Variants in COLQ observed in about 807,000 individuals in gnomAD.
COLQ encodes the protein collagen like tail subunit of asymmetric acetylcholinesterase, also known as acetylcholinesterase collagenic tail peptide.
In COLQ, 48 loss-of-function variants were observed where a neutral mutation model predicts 69.0. The observed-to-expected ratio is 0.70, with a 90% CI of 0.55 to 0.88. The LOEUF (loss-of-function observed/expected upper bound fraction) is 0.88, where lower values mean the gene tolerates loss of function less well. Ranked by LOEUF, COLQ falls within the 40% of genes least tolerant of loss-of-function variation. COLQ has a pLI of 0.00. For synonymous variants in COLQ, 217 were observed against 211.2 expected (o/e 1.03, Z -0.24); for missense variants, 618 against 594.6 (o/e 1.04, Z -0.41).
At chr3:15,514,563 C>T (rs535628227) in intron 1 of COLQ, among the ~76,000 whole-genome samples, 51 of 152,176 alleles carry the variant, frequency 3.4e-4, no homozygotes, top group Non-Finnish European at 6.0e-4. Context: ...CATAATGCAA[C>T]CTGGGTGCAT....
At position 15,475,426 on chromosome 3, in the gene COLQ, T is replaced by C; in HGVS notation, c.527A>G (p.Lys176Arg). Residue 176 changes from lysine to arginine, a missense_variant and splice_region_variant, in exon 7 of 17, where the codon AAG becomes AGG. By Grantham distance (26) the Lys-to-Arg change is conservative. Transcript: ENST00000383788. ...CGTCCATTTGGACCCCACACTGACCTTGGAGCCCATTGGTCCTCTTGACCC... is the reference window on the plus strand; with the variant it reads ...CGTCCATTTGGACCCCACACTGACCCTGGAGCCCATTGGTCCTCTTGACCC... The part of the protein sequence containing the change: ...LPGSRGPMGS[K>R]GYPGSRGEKG... The C allele has an allele frequency of 6.3e-7, 1 of 1,596,324 alleles. No homozygotes were observed. Among genetic ancestry groups the C allele is most frequent in the Admixed American group, 1.7e-5 (1 of 58,056 alleles).
rs377435431 is a variant in COLQ, at chr3:15,486,882, C to T, written c.321+1324G>A. 1.1e-4 allele frequency among the ~76,000 whole-genome samples: 16 copies of T among 152,312 alleles called. No individual in the cohort carries two copies. The East Asian group carries it at 2.5e-3, about 24-fold the overall frequency. ...CTTTAGAAGGCTACATTGTCAATAT[C>T]TTAGGCTTTGTGGGCCACATTTGGT... On this transcript the variant is annotated intron_variant, in intron 3 of 16. Transcript: ENST00000383788.
chr3:15,489,078 G>A (rs2062622255), intron 2 of COLQ, among the ~76,000 whole-genome samples: 1 of 152,174 alleles, frequency 6.6e-6, no homozygotes, highest in Non-Finnish European at 1.5e-5. Flanking sequence ...TCACACCTCA[G>A]TGTGGCTACG....
chr3:15,495,037 A>G (rs2125150009), intron 1 of COLQ, among the ~76,000 whole-genome samples: 1 of 152,336 alleles, frequency 6.6e-6, no homozygotes, highest in South Asian at 2.1e-4. Flanking sequence ...GTCCGAAGTC[A>G]TATAGCTAGT....
At chr3:15,482,005 CCTCT>C (rs1174584624) in intron 3 of COLQ, among the ~76,000 whole-genome samples, 2 of 151,970 alleles carry the variant, frequency 1.3e-5, no homozygotes, top group South Asian at 2.1e-4. Flanking sequence ...TCATGATTTG[CCTCT>C]CTGTTTGTCT....
intron 1 of COLQ, among the ~76,000 whole-genome samples, chr3:15,517,155 A>T (rs115584635): frequency 9.1e-4 from 139 of 152,304 alleles, no homozygotes; most frequent in Non-Finnish European, 1.7e-3. Flanking sequence ...AAAAACAAAC[A>T]AAAAAGAATC....
chr3:15,470,603 G>C lies in COLQ; in HGVS notation c.650C>G (p.Pro217Arg). The change falls in exon 11 of 17, where the codon CCA (proline) becomes CGA (arginine). Residue 217 changes from proline to arginine, a missense_variant. Transcript: ENST00000383788. ...TCCTGCTATCCCAGGTTCACCTTTT[G>C]GACCCATTTCACCCTGGAAAGAAGG... ...GMLGQKGEMG[P>R]KGEPGIAGHR... 6.2e-7 allele frequency: 1 copy of C among 1,614,086 alleles called. No homozygotes were observed.
intron 1 of COLQ, among the ~76,000 whole-genome samples, chr3:15,517,532 G>C (rs2063078836): frequency 6.6e-6 from 1 of 152,164 alleles, no homozygotes. Flanking sequence ...ACTGTGGGTG[G>C]ATACTGGAGC....
intron 3 of COLQ, 132 bp from the exon 4 acceptor site, chr3:15,479,514 A>G (rs1202391021): frequency 1.1e-6 from 1 of 875,230 alleles, no homozygotes; most frequent in Admixed American, 1.9e-5. Flanking sequence ...CCAGGGACCC[A>G]TGGAGGCTTT....
chr3:15,470,700 A>AGAC, intron 10 of COLQ, 84 bp from the exon 11 acceptor site: 2 of 1,261,274 alleles, frequency 1.6e-6, no homozygotes, highest in Non-Finnish European at 2.3e-6. Flanking sequence ...GTCATTGGCT[A>AGAC]CGAGGGCAGT....
rs779950268 is a variant in COLQ, at chr3:15,493,914, G to A, written c.107-4277C>T. Among the ~76,000 whole-genome samples, 102 of 152,184 alleles carry A rather than the reference G, an allele frequency of 6.7e-4. 1 individual carries two copies. Among genetic ancestry groups the A allele is most frequent in the Non-Finnish European group, 8.8e-5 (6 of 68,024 alleles). On this transcript the variant is annotated intron_variant, in intron 1 of 16. Transcript: ENST00000383788. ...GCCTGACCAAATGGCGAAACCCCGT[G>A]TCTACTAAAAACACAAAAATTTGCT...
At chr3:15,513,892 T>C (rs889548806) in intron 1 of COLQ, among the ~76,000 whole-genome samples, 1 of 152,126 alleles carries the variant, frequency 6.6e-6, no homozygotes, top group African/African-American at 2.4e-5. Flanking sequence ...ATGATTAAAT[T>C]AAGAAGTTTA....
intron 1 of COLQ, chr3:15,506,534 AT>A (rs1477175197): frequency 6.6e-6 from 1 of 152,056 alleles, no homozygotes; most frequent in Non-Finnish European, 1.5e-5. Context: ...TAGGTATAAT[AT>A]TTTCCCCCTT....
chr3:15,457,317 C>G (rs528598279), intron 13 of COLQ, among the ~76,000 whole-genome samples: 1 of 151,760 alleles, frequency 6.6e-6, no homozygotes, highest in East Asian at 1.9e-4. Context: ...TAAACACCAA[C>G]ACTGGTTAAG....
rs770077226 is a variant in COLQ, at chr3:15,479,324, G to T, written c.366+14C>A. 6.2e-7 allele frequency: 1 copy of T among 1,613,370 alleles called. No individual in the cohort carries two copies. Among genetic ancestry groups the T allele is most frequent in the South Asian group, 1.1e-5 (1 of 91,082 alleles). On this transcript the variant is annotated intron_variant, in intron 4 of 16. Transcript: ENST00000383788. Reference sequence around the variant, plus strand: ...GCCAAGGAAAGAAGGGTTGAAGAAAGTAGTGGTCCATACCTTTTCTCCCTT... The same window carrying T: ...GCCAAGGAAAGAAGGGTTGAAGAAATTAGTGGTCCATACCTTTTCTCCCTT...
chr3:15,492,255 T>C (rs1461180792), intron 1 of COLQ, among the ~76,000 whole-genome samples: 4 of 152,198 alleles, frequency 2.6e-5, no homozygotes, highest in Non-Finnish European at 4.4e-5. Flanking sequence ...CACCATGTGA[T>C]GTGATTTTCT....
rs182585573 is a variant in COLQ, at chr3:15,486,604, G to A, written c.321+1602C>T. ...TCTAGCATGCCTGAGACCTGTTAGT[G>A]TAGACTGCTGAAGGTGGGAAGATAG... On this transcript the variant is annotated intron_variant, in intron 3 of 16. Coordinates refer to ENST00000383788, the MANE Select transcript of COLQ (RefSeq NM_005677.4). 7.2e-5 allele frequency among the ~76,000 whole-genome samples: 11 copies of A among 152,318 alleles called. No homozygotes were observed. In the East Asian group the frequency reaches 2.1e-3, roughly 29 times the overall value.
chr3:15,513,575 G>A (rs540423838), intron 1 of COLQ, among the ~76,000 whole-genome samples: 2 of 152,224 alleles, frequency 1.3e-5, no homozygotes, highest in South Asian at 2.1e-4. Flanking sequence ...ACCTGCTCCC[G>A]AACACACTCC....
At chr3:15,520,555 G>C (rs950585440) in intron 1 of COLQ, among the ~76,000 whole-genome samples, 2 of 152,194 alleles carry the variant, frequency 1.3e-5, no homozygotes, top group Non-Finnish European at 2.9e-5. Flanking sequence ...GTATTTATGA[G>C]ACTCATGTTG....
Sources: gnomAD v4.1 joint callset for allele counts (sites outside exome capture counted in the v4.1 genomes callset) on GRCh38, gnomAD v4.1.1 for gene constraint, MANE v1.5 for transcripts, NCBI Gene and HGNC (gene_info 2026-07-23, HGNC 2026-07-21) for gene names.